EVI5: variants seen among roughly 807,000 people sequenced by gnomAD.
EVI5 encodes ecotropic viral integration site 5, also known as ecotropic viral integration site 5 protein homolog.
A neutral mutation model predicts 112.0 loss-of-function variants in EVI5; 73 were observed. That is an observed-to-expected ratio of 0.65 (90% CI 0.54 to 0.79). The LOEUF (loss-of-function observed/expected upper bound fraction) is 0.79, where lower values mean the gene tolerates loss of function less well. EVI5 is among the 30% of genes least tolerant of loss of function. The pLI is 0.00. For synonymous variants in EVI5, 305 were observed against 319.9 expected (o/e 0.95, Z 0.50); for missense variants, 900 against 968.8 (o/e 0.93, Z 0.94).
intron 2 of EVI5, among the ~76,000 whole-genome samples, chr1:92,721,478 G>A (rs1674745410): frequency 6.6e-6 from 1 of 152,126 alleles, no homozygotes; most frequent in Admixed American, 6.5e-5. Flanking sequence ...ATTGAACAAT[G>A]AAAACACTTG....
rs1343138353 is a variant in EVI5 at position 92,667,648 on chromosome 1, C to T, written c.1159-1656G>A. 2.6e-5 allele frequency among the ~76,000 whole-genome samples: 4 copies of T among 152,336 alleles called. No homozygotes were observed. In the East Asian group the frequency reaches 7.7e-4, roughly 29 times the overall value. On this transcript the variant is annotated intron_variant, in intron 10 of 19. Transcript: ENST00000684568. Reference sequence around the variant, plus strand: ...TTCAAATTCCTCAGATGTTGTCCCACTCTGTCGCCCAGGCTGGAATGCAGT... The same window carrying T: ...TTCAAATTCCTCAGATGTTGTCCCATTCTGTCGCCCAGGCTGGAATGCAGT...
At chr1:92,761,223 G>A (rs1277099799) in intron 1 of EVI5, among the ~76,000 whole-genome samples, 2 of 152,040 alleles carry the variant, frequency 1.3e-5, no homozygotes, top group African/African-American at 4.8e-5. Flanking sequence ...TACACTAGGG[G>A]AAATTGGCAG....
rs138793808 is a variant in EVI5 at position 92,513,997 on chromosome 1, C to A, written c.2167-27G>T. The A allele has an allele frequency of 7.8e-6, 11 of 1,410,722 alleles. No homozygotes were observed. In the African/African-American group the frequency reaches 1.6e-4, roughly 20 times the overall value. 87.4% of individuals were successfully genotyped at this position (1,410,722 alleles called of 1,614,324 possible). A position where few individuals can be genotyped will look rare whatever the true frequency, so the allele number is the denominator to read the frequency against. ...TGTTAAAACAAAATCCAAGTTAATA[C>A]AGTCAAATGGGGGAAACACACACAC... On this transcript the variant is annotated intron_variant, in intron 19 of 19. Coordinates refer to ENST00000684568, the MANE Select transcript of EVI5 (RefSeq NM_001350197.2).
chr1:92,756,533 G>A (rs1004492274), intron 1 of EVI5: 6 of 527,808 alleles, frequency 1.1e-5, no homozygotes, highest in Non-Finnish European at 1.9e-5. Flanking sequence ...TTAGTGCCGT[G>A]TACTGAACAG....
intron 16 of EVI5, among the ~76,000 whole-genome samples, chr1:92,613,365 C>T (rs1347111128): frequency 6.6e-6 from 1 of 151,838 alleles, no homozygotes; most frequent in Non-Finnish European, 1.5e-5. Flanking sequence ...ATGGTGCGAC[C>T]TTGGCTCACT....
rs370444292 is a variant in EVI5, at chr1:92,757,584, G to A, written c.-81-20957C>T. 4.0e-5 allele frequency among the ~76,000 whole-genome samples: 6 copies of A among 151,862 alleles called. No individual in the cohort carries two copies. The East Asian group carries it at 1.2e-3, about 29-fold the overall frequency. ...TTTATGCACTAAAATTAAGGCTGGA[G>A]TAGATCTCTTATTTTTAAAAAGAAA... is the stretch of plus-strand genomic sequence containing the variant. On this transcript the variant is annotated intron_variant, in intron 1 of 19. Transcript: ENST00000684568.
chr1:92,515,170 A>G (rs2101643254), intron 19 of EVI5, among the ~76,000 whole-genome samples: 1 of 152,304 alleles, frequency 6.6e-6, no homozygotes, highest in South Asian at 2.1e-4. Context: ...CTGGAGTTTT[A>G]TAGTACAAGA....
At chr1:92,603,808 A>G (rs1215047443) in intron 18 of EVI5, among the ~76,000 whole-genome samples, 1 of 151,974 alleles carries the variant, frequency 6.6e-6, no homozygotes, top group Non-Finnish European at 1.5e-5. Flanking sequence ...GGCTTACTGC[A>G]GCCTTGACCT....
chr1:92,789,961 G>T (rs930110897), upstream of EVI5, among the ~76,000 whole-genome samples: 6 of 152,092 alleles, frequency 3.9e-5, no homozygotes, highest in Non-Finnish European at 8.8e-5. Context: ...TTCTAGGTTT[G>T]CACTGTCCAA....
At chr1:92,710,891 A>G (rs559269676) in intron 2 of EVI5, among the ~76,000 whole-genome samples, 5 of 152,328 alleles carry the variant, frequency 3.3e-5, no homozygotes, top group African/African-American at 1.2e-4. Context: ...GGACTGGGGA[A>G]TAAGTTGAGA....
At chr1:92,530,033 T>C (rs1280327345) in intron 19 of EVI5, among the ~76,000 whole-genome samples, 1 of 152,206 alleles carries the variant, frequency 6.6e-6, no homozygotes, top group Admixed American at 6.5e-5. Context: ...TAGAAAAATA[T>C]GGAATAATTG....
At chr1:92,639,424 G>A (rs185860996) in intron 13 of EVI5, among the ~76,000 whole-genome samples, 1 of 151,726 alleles carries the variant, frequency 6.6e-6, no homozygotes, top group East Asian at 1.9e-4. Flanking sequence ...ATATTTGAAG[G>A]AAATAGGAGT....
chr1:92,616,722 G>T (rs1653271651), intron 16 of EVI5, among the ~76,000 whole-genome samples: 1 of 152,304 alleles, frequency 6.6e-6, no homozygotes, highest in East Asian at 1.9e-4. Flanking sequence ...CTCCTTTTGA[G>T]AGACAGCTGT....
chr1:92,782,516 C>T (rs923619704), intron 1 of EVI5, among the ~76,000 whole-genome samples: 1 of 152,164 alleles, frequency 6.6e-6, no homozygotes, highest in African/African-American at 2.4e-5. Flanking sequence ...AAAAGATACT[C>T]AACCTCAGTA....
chr1:92,687,067 A>T (rs1668666730), intron 9 of EVI5, among the ~76,000 whole-genome samples: 1 of 152,244 alleles, frequency 6.6e-6, no homozygotes, highest in Non-Finnish European at 1.5e-5. Context: ...ACCAAAAAAG[A>T]GCCCACATTG....
chr1:92,517,372 G>C (rs1435567681), intron 19 of EVI5, among the ~76,000 whole-genome samples: 1 of 152,152 alleles, frequency 6.6e-6, no homozygotes, highest in Non-Finnish European at 1.5e-5. Flanking sequence ...AGCATCCATG[G>C]ATTTTGGTAT....
chr1:92,625,907 T>C lies in EVI5; in HGVS notation c.1555A>G (p.Asn519Asp). 6.2e-7 allele frequency: 1 copy of C among 1,607,840 alleles called. No homozygotes were observed. The highest frequency in any genetic ancestry group is 1.7e-4 in the Middle Eastern group (1 of 6,040). Residue 519 changes from asparagine (N) to aspartate (D), a missense_variant, in exon 15 of 20, where the codon AAT (asparagine) becomes GAT (aspartate). By Grantham distance (23) the Asn-to-Asp change is conservative. Transcript: ENST00000684568. The part of the protein sequence containing the change: ...KRNNSLPDEN[N>D]IARLQEELIA... ...AGTTCTTCCTGAAGCCTTGCAATAT[T>C]ATTCTCATCAGGAAGGGAGTTATTC...
In EVI5 at chr1:92,625,776, C is replaced by T. The variant is rs748094338; in HGVS notation, c.1668+18G>A. Reference sequence around the variant, plus strand: ...TTTTACTCTCTTTTAAAAAAGCACACAAAATATATTAATATACCTGCCAGT... The same window carrying T: ...TTTTACTCTCTTTTAAAAAAGCACATAAAATATATTAATATACCTGCCAGT... On this transcript the variant is annotated intron_variant, in intron 15 of 19. Transcript: ENST00000684568. 3 of 1,604,752 alleles carry T rather than the reference C, an allele frequency of 1.9e-6. No homozygotes were observed. The highest frequency in any genetic ancestry group is 2.6e-6 in the Non-Finnish European group (3 of 1,176,188).
chr1:92,612,709 C>CA lies in EVI5; in HGVS notation c.1828-4983dup, dbSNP rs368453488. ...TGGGTGACAGAATAAGACTCCATCT[C>CA]AAAAAAAAAAAAAAAGGAAAAAAAA... is the stretch of plus-strand genomic sequence containing the variant. On this transcript the variant is annotated intron_variant, in intron 16 of 19. Coordinates refer to ENST00000684568, the MANE Select transcript of EVI5 (RefSeq NM_001350197.2). Among the ~76,000 whole-genome samples, 222 of 78,732 alleles carry CA rather than the reference C, an allele frequency of 2.8e-3. 2 individuals are homozygous for CA. The highest frequency in any genetic ancestry group is 3.7e-3 in the Admixed American group (22 of 5,950). The allele number at this position is 78,732 out of a possible 152,430, so 51.7% of individuals were successfully genotyped here.
Sources: allele counts gnomAD v4.1 joint callset (sites outside exome capture counted in the v4.1 genomes callset), GRCh38; gene constraint gnomAD v4.1.1; transcripts MANE v1.5; gene names NCBI Gene and HGNC (gene_info 2026-07-23, HGNC 2026-07-21).